GBP5: variants seen among roughly 807,000 people sequenced by gnomAD.
The protein encoded by GBP5 is guanylate-binding protein 5.
GBP5 carries 48 observed loss-of-function variants against 58.2 expected under a neutral mutation model. That is an observed-to-expected ratio of 0.83 (90% CI 0.65 to 1.05). GBP5 has a LOEUF of 1.05. GBP5 is among the 50% of genes least tolerant of loss of function. The pLI is 0.00. For missense variants in GBP5, 714 were observed against 686.8 expected (o/e 1.04, Z -0.44); for synonymous variants, 248 against 251.8 (o/e 0.98, Z 0.14).
intron 2 of GBP5, 37 bp from the exon 3 acceptor site, chr1:89,269,611 G>A (rs1172307138): frequency 7.0e-6 from 10 of 1,428,904 alleles, no homozygotes; most frequent in Non-Finnish European, 9.7e-6. Flanking sequence ...GGAATTTCTG[G>A]TGTTTGTTTA....
In GBP5 at chr1:89,256,503, T is replaced by G; in HGVS notation, c.*4201A>C. Among the ~76,000 whole-genome samples, 1 of 152,190 alleles carries G rather than the reference T, an allele frequency of 6.6e-6. No homozygotes were observed. Among genetic ancestry groups the G allele is most frequent in the East Asian group, 1.9e-4 (1 of 5,204 alleles). ...AATATTGTACATTTTATGTTTTTTG[T>G]ACTCTTCAGTATGTGTCACATTTAA... On this transcript the variant is annotated 3_prime_UTR_variant, in exon 12 of 12. Transcript: ENST00000370459.
At chr1:89,262,064 A>G (rs551817074) in intron 11 of GBP5, 156 bp downstream of exon 11, 6 of 689,968 alleles carry the variant, frequency 8.7e-6, no homozygotes, top group South Asian at 3.6e-5. Flanking sequence ...CCTAAACCAT[A>G]TACTTACTAA....
At position 89,260,482 on chromosome 1, in the gene GBP5, T is replaced by C. The variant is rs1446961344; in HGVS notation, c.*222A>G. 6.9e-6 allele frequency: 3 copies of C among 435,314 alleles called. No individual in the cohort carries two copies. The highest frequency in any genetic ancestry group is 4.0e-5 in the African/African-American group (2 of 50,472). The allele number at this position is 435,314 out of a possible 1,614,324, so 27.0% of individuals were successfully genotyped here. On this transcript the variant is annotated 3_prime_UTR_variant, in exon 12 of 12. Transcript: ENST00000370459. Reference sequence around the variant, plus strand: ...CAGTGATACAATGTCCCTTATACAATTTATAATCTCTTAAAGGAAGCAATA... The same window carrying C: ...CAGTGATACAATGTCCCTTATACAACTTATAATCTCTTAAAGGAAGCAATA...
chr1:89,264,167 T>C (rs1309031573), intron 8 of GBP5, among the ~76,000 whole-genome samples: 1 of 152,160 alleles, frequency 6.6e-6, no homozygotes, highest in East Asian at 1.9e-4. Context: ...TTATTTCTGC[T>C]ATAGGTGTAA....
In GBP5 at chr1:89,260,710, T is replaced by TA. The variant is rs1649974674; in HGVS notation, c.1754dup (p.Leu585PhefsTer6). 6.2e-7 allele frequency: 1 copy of TA among 1,608,978 alleles called. No individual in the cohort carries two copies. Among genetic ancestry groups the TA allele is most frequent in the Admixed American group, 1.7e-5 (1 of 59,978 alleles). On this transcript the variant is annotated frameshift_variant, in exon 12 of 12. Transcript: ENST00000370459. LOFTEE classifies it high-confidence loss of function. Reference sequence around the variant, plus strand: ...AACTCCCATATTTAGCACTTTAGAGTAAAACACATGGATCATCGTTATTAA... The same window carrying TA: ...AACTCCCATATTTAGCACTTTAGAGTAAAAACACATGGATCATCGTTATTAA...
chr1:89,262,916 G>A, intron 9 of GBP5, 131 bp from the exon 10 acceptor site: 2 of 575,244 alleles, frequency 3.5e-6, no homozygotes, highest in Non-Finnish European at 6.0e-6. Flanking sequence ...AGGCTCCATA[G>A]GAGAGGTGGA....
chr1:89,267,238 T>C, intron 5 of GBP5, 85 bp from the exon 6 acceptor site: 1 of 1,210,788 alleles, frequency 8.3e-7, no homozygotes, highest in Non-Finnish European at 1.2e-6. Context: ...ACCTTTATTT[T>C]CCCCTACGAG....
chr1:89,269,528 G>T lies in GBP5; in HGVS notation c.28C>A (p.Pro10Thr), dbSNP rs749484324. The change falls in exon 3 of 12, where the codon CCC becomes ACC. Residue 10 changes from proline to threonine, a missense_variant. By Grantham distance (38) the Pro-to-Thr change is conservative. Coordinates refer to ENST00000370459, the MANE Select transcript of GBP5 (RefSeq NM_052942.5). ...TTAAAGTTCTCGATGAGGCACATGG[G>T]GTCTGACATGTGGATCTCTAAAGCC... MALEIHMSDPMCLIENFNEQ... is the reference protein window; with the variant it reads MALEIHMSDTMCLIENFNEQ... 1 of 1,613,458 alleles carries T rather than the reference G, an allele frequency of 6.2e-7. No individual in the cohort carries two copies. Among genetic ancestry groups the T allele is most frequent in the South Asian group, 1.1e-5 (1 of 91,060 alleles).
At chr1:89,261,156 A>G (rs1052576598) in intron 11 of GBP5, among the ~76,000 whole-genome samples, 2 of 152,196 alleles carry the variant, frequency 1.3e-5, no homozygotes, top group African/African-American at 4.8e-5. Flanking sequence ...TATTTCTAAG[A>G]GAAGAGGCTG....
At position 89,259,046 on chromosome 1, in the gene GBP5, T is replaced by C. The variant is rs1649892522; in HGVS notation, c.*1658A>G. The C allele has an allele frequency of 6.6e-6, 1 of 152,216 alleles. No individual in the cohort carries two copies. The highest frequency in any genetic ancestry group is 1.5e-5 in the Non-Finnish European group (1 of 68,028). The allele number at this position is 152,216 out of a possible 1,614,324, so 9.4% of individuals were successfully genotyped here. A position where few individuals can be genotyped will look rare whatever the true frequency, so the allele number is the denominator to read the frequency against. ...TTTAAGAAAAATCAGTCATTTTTCA[T>C]ATATAATTGCAAAGAATTAAGATCA... On this transcript the variant is annotated 3_prime_UTR_variant, in exon 12 of 12. Coordinates refer to ENST00000370459, the MANE Select transcript of GBP5 (RefSeq NM_052942.5).
At chr1:89,272,256 A>G (rs1433802265) in intron 1 of GBP5, 196 bp downstream of exon 1, 1 of 152,218 alleles carries the variant, frequency 6.6e-6, no homozygotes, top group African/African-American at 2.4e-5. Context: ...CACCACACAC[A>G]TTGATGTCTA....
At chr1:89,272,343 C>G (rs1650491709) in intron 1 of GBP5, 109 bp downstream of exon 1, 1 of 152,254 alleles carries the variant, frequency 6.6e-6, no homozygotes, top group East Asian at 1.9e-4. Flanking sequence ...TTATTCTTTA[C>G]TGAGGTCTGA....
rs910509855 is a variant in GBP5 at position 89,259,266 on chromosome 1, A to G, written c.*1438T>C. 4 of 152,346 alleles carry G rather than the reference A, an allele frequency of 2.6e-5. No individual in the cohort carries two copies. The highest frequency in any genetic ancestry group is 4.8e-5 in the African/African-American group (2 of 41,586). The allele number at this position is 152,346 out of a possible 1,614,324, so 9.4% of individuals were successfully genotyped here. Reference sequence around the variant, plus strand: ...TAAGTTGTGCTCTTGGTGAGGGTGAACAGAAAAGAAAAGGCTTCTTCTTTA... The same window carrying G: ...TAAGTTGTGCTCTTGGTGAGGGTGAGCAGAAAAGAAAAGGCTTCTTCTTTA... On this transcript the variant is annotated 3_prime_UTR_variant, in exon 12 of 12. Transcript: ENST00000370459.
At chr1:89,265,023 A>G in intron 7 of GBP5, 57 bp from the exon 8 acceptor site, 1 of 1,495,642 alleles carries the variant, frequency 6.7e-7, no homozygotes, top group Non-Finnish European at 9.2e-7. Context: ...CATGATTGAT[A>G]CAGTAATTTC....
Position 89,266,402 on chromosome 1 carries a change from A to C in GBP5, c.812T>G (p.Ile271Ser), listed in dbSNP as rs749973130. Residue 271 changes from isoleucine to serine, a missense_variant, in exon 7 of 12, where the codon ATC (isoleucine) becomes AGC (serine). Coordinates refer to ENST00000370459, the MANE Select transcript of GBP5 (RefSeq NM_052942.5). ...VQQVTEFCSYIFSHSMTKTLP... is the reference protein window; with the variant it reads ...VQQVTEFCSYSFSHSMTKTLP... ...AGTCTTGGTCATAGAATGGCTAAAG[A>C]TGTAGGAACAGAATTCTGTCACTTG... 2 of 1,613,870 alleles carry C rather than the reference A, an allele frequency of 1.2e-6. No individual in the cohort carries two copies. Among genetic ancestry groups the C allele is most frequent in the South Asian group, 1.1e-5 (1 of 91,078 alleles).
rs1650256987 is a variant in GBP5 at position 89,267,224 on chromosome 1, C to A, written c.429-71G>T. ...AACCCATACTTAATTCCATTTTCCC[C>A]CAAACCTTTATTTTCCCCTACGAGT... On this transcript the variant is annotated intron_variant, in intron 5 of 11. Coordinates refer to ENST00000370459, the MANE Select transcript of GBP5 (RefSeq NM_052942.5). 5.7e-5 allele frequency: 76 copies of A among 1,336,628 alleles called. 1 individual carries two copies. The South Asian group carries it at 1.0e-3, about 18-fold the overall frequency. 82.8% of individuals were successfully genotyped at this position (1,336,628 alleles called of 1,614,324 possible).
At chr1:89,262,604 A>T in intron 10 of GBP5, 79 bp downstream of exon 10, 2 of 1,047,578 alleles carry the variant, frequency 1.9e-6, no homozygotes, top group Non-Finnish European at 2.9e-6. Flanking sequence ...CTAGTTTAAC[A>T]TCCCATGAGG....
At chr1:89,265,596 C>T (rs974701343) in intron 7 of GBP5, among the ~76,000 whole-genome samples, 33 of 151,330 alleles carry the variant, frequency 2.2e-4, no homozygotes, top group East Asian at 7.8e-4. Context: ...GGTGTGGTGG[C>T]GGGTGCCTGT....
intron 3 of GBP5, 86 bp downstream of exon 3, chr1:89,269,278 GTC>G (rs1252273609): frequency 1.5e-6 from 2 of 1,302,762 alleles, no homozygotes; most frequent in Non-Finnish European, 2.2e-6. Context: ...TCATCCTCAT[GTC>G]TTACTCTCTC....
Sources: gnomAD v4.1 joint callset for allele counts (sites outside exome capture counted in the v4.1 genomes callset) on GRCh38, gnomAD v4.1.1 for gene constraint, MANE v1.5 for transcripts, NCBI Gene and HGNC (gene_info 2026-07-23, HGNC 2026-07-21) for gene names.